The following ST8SIA2 variants were observed in gnomAD, a reference collection of about 807,000 sequenced individuals.
ST8SIA2 encodes alpha-2,8-sialyltransferase 8B.
ST8SIA2 carries 22 observed loss-of-function variants against 37.6 expected under a neutral mutation model. The ratio of observed to expected loss-of-function variants is 0.58; its 90% CI spans 0.42 to 0.83. The LOEUF (loss-of-function observed/expected upper bound fraction) is 0.83, where lower values mean the gene tolerates loss of function less well. Among genes scored for constraint, ST8SIA2 ranks in the 40% least tolerant of loss-of-function variants. ST8SIA2 has a pLI of 0.00. For synonymous variants in ST8SIA2, 205 were observed against 201.2 expected (o/e 1.02, Z -0.16); for missense variants, 382 against 484.7 (o/e 0.79, Z 1.99).
In ST8SIA2 at chr15:92,394,014, C is replaced by A. The variant is rs543941107; in HGVS notation, c.-51C>A. The A allele has an allele frequency of 1.2e-4, 175 of 1,449,716 alleles. No homozygotes were observed. The East Asian group carries it at 3.1e-3, about 26-fold the overall frequency. 89.8% of individuals were successfully genotyped at this position (1,449,716 alleles called of 1,614,324 possible). A position where few individuals can be genotyped will look rare whatever the true frequency, so the allele number is the denominator to read the frequency against. On this transcript the variant is annotated 5_prime_UTR_variant, in exon 1 of 6. Transcript: ENST00000268164. ...CGGCGTCCGCCGCTGCGCCCTCCGG[C>A]CCCTGCTCCTCGCGCCGGCCCGCGT...
chr15:92,458,618 C>G (rs2049935864), intron 5 of ST8SIA2, among the ~76,000 whole-genome samples: 1 of 152,144 alleles, frequency 6.6e-6, no homozygotes, highest in Non-Finnish European at 1.5e-5. Flanking sequence ...TTCTTGAGGC[C>G]CTCAGCACAG....
Position 92,464,103 on chromosome 15 carries a change from C to T in ST8SIA2, c.846C>T (p.Tyr282=). Reference sequence around the variant, plus strand: ...TTTTTTTTTTTTTTTTTTCCAGATACTGGCTGACCAACAAAGTCCACATCA... The same window carrying T: ...TTTTTTTTTTTTTTTTTTCCAGATATTGGCTGACCAACAAAGTCCACATCA... ...SLRLLHAVRG[Y]WLTNKVHIKR... Residue 282 remains tyrosine, a synonymous_variant, in exon 6 of 6, where the codon TAC becomes TAT. Coordinates refer to ENST00000268164, the MANE Select transcript of ST8SIA2 (RefSeq NM_006011.4). 2 of 954,660 alleles carry T rather than the reference C, an allele frequency of 2.1e-6. No homozygotes were observed. The highest frequency in any genetic ancestry group is 2.9e-5 in the South Asian group (2 of 68,484). 59.1% of individuals were successfully genotyped at this position (954,660 alleles called of 1,614,324 possible).
chr15:92,416,123 G>T (rs964398477), intron 1 of ST8SIA2, among the ~76,000 whole-genome samples: 1 of 151,704 alleles, frequency 6.6e-6, no homozygotes, highest in African/African-American at 2.4e-5. Flanking sequence ...TCTGCACATC[G>T]CAGATAAGAC....
At chr15:92,442,532 A>G (rs2049810606) in intron 4 of ST8SIA2, among the ~76,000 whole-genome samples, 1 of 152,132 alleles carries the variant, frequency 6.6e-6, no homozygotes, top group Non-Finnish European at 1.5e-5. Flanking sequence ...AACTGCATGG[A>G]GTCCACTTGG....
In ST8SIA2 at chr15:92,464,072, CTTTTTTTTTTTT is replaced by C. The variant is rs34156050; in HGVS notation, c.843-16_843-5del. On this transcript the variant is annotated splice_polypyrimidine_tract_variant and intron_variant, in intron 5 of 5. Coordinates refer to ENST00000268164, the MANE Select transcript of ST8SIA2 (RefSeq NM_006011.4). ...TGACTCACAGACCCATGTTTCTTTT[CTTTTTTTTTTTT>C]TTTTTTTTTTTCCAGATACTGGCTG... 4 of 1,273,824 alleles carry C rather than the reference CTTTTTTTTTTTT, an allele frequency of 3.1e-6. No homozygotes were observed. The highest frequency in any genetic ancestry group is 2.1e-5 in the African/African-American group (1 of 48,502). The allele number at this position is 1,273,824 out of a possible 1,614,324, so 78.9% of individuals were successfully genotyped here. A position where few individuals can be genotyped will look rare whatever the true frequency, so the allele number is the denominator to read the frequency against.
chr15:92,430,191 G>T, intron 2 of ST8SIA2, 80 bp downstream of exon 2: 11 of 1,384,876 alleles, frequency 7.9e-6, no homozygotes, highest in Non-Finnish European at 1.1e-5. Context: ...GCTGGATGGT[G>T]CCCTTCTTAC....
chr15:92,443,936 A>C (rs2049821984), intron 4 of ST8SIA2, among the ~76,000 whole-genome samples: 1 of 152,130 alleles, frequency 6.6e-6, no homozygotes, highest in Non-Finnish European at 1.5e-5. Flanking sequence ...GATTCTTCTG[A>C]CTTGGCAAAC....
At chr15:92,429,830 A>G (rs1040774630) in intron 1 of ST8SIA2, among the ~76,000 whole-genome samples, 5 of 152,178 alleles carry the variant, frequency 3.3e-5, no homozygotes, top group African/African-American at 1.2e-4. Context: ...ACAATATTCA[A>G]GTGGGGAGAG....
At chr15:92,416,127 A>C (rs79792347) in intron 1 of ST8SIA2, among the ~76,000 whole-genome samples, 2,591 of 150,050 alleles carry the variant, frequency 0.017, 63 homozygotes, top group African/African-American at 0.06. Context: ...CACATCGCAG[A>C]TAAGACGGAG....
At chr15:92,435,642 G>T (rs961236577) in intron 3 of ST8SIA2, among the ~76,000 whole-genome samples, 4 of 152,080 alleles carry the variant, frequency 2.6e-5, no homozygotes, top group Admixed American at 6.5e-5. Flanking sequence ...ACCTGTGCAG[G>T]GCTGGGGAAT....
At chr15:92,445,997 T>C (rs766260806) in intron 5 of ST8SIA2, among the ~76,000 whole-genome samples, 10 of 152,206 alleles carry the variant, frequency 6.6e-5, no homozygotes, top group Non-Finnish European at 1.0e-4. Context: ...ATATTAATCA[T>C]TCATTCACTC....
intron 4 of ST8SIA2, among the ~76,000 whole-genome samples, chr15:92,441,060 C>T (rs567153980): frequency 1.8e-4 from 28 of 152,282 alleles, no homozygotes; most frequent in South Asian, 1.0e-3. Flanking sequence ...GAATGGCAGA[C>T]GCTGTGAAGC....
At chr15:92,463,847 T>C (rs141537486) in intron 5 of ST8SIA2, among the ~76,000 whole-genome samples, 299 of 152,242 alleles carry the variant, frequency 2.0e-3, no homozygotes, top group African/African-American at 5.6e-3. Context: ...CATTTCTGCA[T>C]CTGTACCCAC....
At chr15:92,429,902 G>T in intron 1 of ST8SIA2, 147 bp from the exon 2 acceptor site, 1 of 843,974 alleles carries the variant, frequency 1.2e-6, no homozygotes, top group Non-Finnish European at 2.0e-6. Flanking sequence ...TCTGGGGCCA[G>T]GACTTTGCCC....
intron 5 of ST8SIA2, among the ~76,000 whole-genome samples, chr15:92,460,927 C>T (rs979033007): frequency 5.3e-5 from 8 of 152,002 alleles, no homozygotes; most frequent in East Asian, 1.9e-4. Context: ...GTCGAGGACA[C>T]GCTGTAAAGT....
At chr15:92,444,285 T>C (rs2049824473) in intron 4 of ST8SIA2, among the ~76,000 whole-genome samples, 1 of 152,188 alleles carries the variant, frequency 6.6e-6, no homozygotes, top group South Asian at 2.1e-4. Flanking sequence ...TCCCTCACTC[T>C]GTCACCTAAT....
intron 1 of ST8SIA2, among the ~76,000 whole-genome samples, chr15:92,403,398 A>G (rs2049485302): frequency 6.6e-6 from 1 of 152,182 alleles, no homozygotes; most frequent in Admixed American, 6.5e-5. Context: ...GAGTTTGCAC[A>G]AAGATGCTGG....
chr15:92,447,447 G>A (rs2049850272), intron 5 of ST8SIA2, among the ~76,000 whole-genome samples: 1 of 152,170 alleles, frequency 6.6e-6, no homozygotes, highest in African/African-American at 2.4e-5. Context: ...CCAGCTTGGG[G>A]TCAGGCCCTA....
chr15:92,431,108 G>A (rs2049712327), intron 2 of ST8SIA2, among the ~76,000 whole-genome samples: 2 of 152,292 alleles, frequency 1.3e-5, no homozygotes, highest in Middle Eastern at 3.4e-3. Context: ...TATGCCAGGT[G>A]AAATGTGAAT....
Sources: gnomAD v4.1 joint callset for allele counts (sites outside exome capture counted in the v4.1 genomes callset) on GRCh38, gnomAD v4.1.1 for gene constraint, MANE v1.5 for transcripts, NCBI Gene and HGNC (gene_info 2026-07-23, HGNC 2026-07-21) for gene names.